The following VEPH1 variants were observed in gnomAD, a reference collection of about 807,000 sequenced individuals.
VEPH1 encodes ventricular zone-expressed PH domain-containing protein homolog 1.
VEPH1 carries 80 observed loss-of-function variants against 85.2 expected under a neutral mutation model. The observed-to-expected ratio is 0.94, with a 90% CI of 0.78 to 1.13. The LOEUF is 1.13. Ranked by LOEUF, VEPH1 falls within the 50% of genes most tolerant of loss-of-function variation. The pLI is 0.00. For synonymous variants in VEPH1, 297 were observed against 348.0 expected, an observed-to-expected ratio of 0.85 and a Z score of 1.63; for missense variants, 955 against 980.5, an observed-to-expected ratio of 0.97 and a Z score of 0.35.
chr3:157,473,299 C>G (rs996737826), intron 2 of VEPH1, among the ~76,000 whole-genome samples: 6 of 151,802 alleles, frequency 4.0e-5, no homozygotes, highest in African/African-American at 1.5e-4. Flanking sequence ...GTCTCAATCC[C>G]CTGACCTCGT....
rs190620211 is a variant in VEPH1 at position 157,270,212 on chromosome 3, C to T, written c.2129-4550G>A. 2.0e-4 allele frequency among the ~76,000 whole-genome samples: 30 copies of T among 151,806 alleles called. 1 individual carries two copies. The highest frequency in any genetic ancestry group is 1.6e-3 in the Admixed American group (25 of 15,238). On this transcript the variant is annotated intron_variant, in intron 12 of 13. Coordinates refer to ENST00000362010, the MANE Select transcript of VEPH1 (RefSeq NM_001167912.2). The stretch of plus-strand genomic sequence containing the variant: ...CTTGAGCCTCAGAGGTCAAAGTGTG[C>T]AGTGAGCTATGATCATGCCACTGCA...
At chr3:157,454,996 T>C (rs182475782) in intron 4 of VEPH1, among the ~76,000 whole-genome samples, 1 of 152,198 alleles carries the variant, frequency 6.6e-6, no homozygotes, top group Non-Finnish European at 1.5e-5. Context: ...CCACTGTTGA[T>C]GGGCACCTAG....
At chr3:157,286,760 C>T in intron 11 of VEPH1, 86 bp from the exon 12 acceptor site, 1 of 1,107,272 alleles carries the variant, frequency 9.0e-7, no homozygotes, top group Non-Finnish European at 1.4e-6. Context: ...GGATGTGGAT[C>T]AGGATGGTCA....
intron 1 of VEPH1, among the ~76,000 whole-genome samples, chr3:157,497,669 G>C (rs369404522): frequency 6.6e-6 from 1 of 152,120 alleles, no homozygotes; most frequent in Non-Finnish European, 1.5e-5. Context: ...CCAAGAAGGA[G>C]CAGTAATACG....
chr3:157,324,478 T>A (rs992846535), intron 9 of VEPH1, among the ~76,000 whole-genome samples: 1 of 152,166 alleles, frequency 6.6e-6, no homozygotes, highest in Non-Finnish European at 1.5e-5. Context: ...CTATTCTTCC[T>A]GATGCTCTCT....
intron 3 of VEPH1, among the ~76,000 whole-genome samples, chr3:157,468,901 G>C (rs561193695): frequency 1.3e-5 from 2 of 152,140 alleles, no homozygotes; most frequent in South Asian, 4.1e-4. Context: ...CCTGGGACGA[G>C]AACATTTAAA....
chr3:157,431,207 G>A (rs1181892576), intron 4 of VEPH1, among the ~76,000 whole-genome samples: 1 of 152,148 alleles, frequency 6.6e-6, no homozygotes, highest in African/African-American at 2.4e-5. Flanking sequence ...GACGTGCCTT[G>A]TTTCCCCTTT....
At chr3:157,360,406 C>G (rs1264558559) in intron 9 of VEPH1, among the ~76,000 whole-genome samples, 1 of 152,050 alleles carries the variant, frequency 6.6e-6, no homozygotes, top group African/African-American at 2.4e-5. Flanking sequence ...TAGGTCATCC[C>G]TGGCAGGAAA....
chr3:157,286,508 T>C (rs746283631), intron 12 of VEPH1, 49 bp downstream of exon 12: 1 of 1,477,856 alleles, frequency 6.8e-7, no homozygotes, highest in Non-Finnish European at 9.5e-7. Flanking sequence ...GACAGATCCC[T>C]GTAATTTGGG....
intron 9 of VEPH1, among the ~76,000 whole-genome samples, chr3:157,358,592 AG>A (rs1386834581): frequency 6.6e-6 from 1 of 152,224 alleles, no homozygotes; most frequent in Non-Finnish European, 1.5e-5. Flanking sequence ...CAACTGGACC[AG>A]GAGGATGTGA....
Position 157,350,687 on chromosome 3 carries a change from A to C in VEPH1, c.1735+12677T>G, listed in dbSNP as rs181892083. ...TATCTTAACAGCAAAAAAATCTAACAATCTGATTTAAAAATGGGGAAATGA... is the reference window on the plus strand; with the variant it reads ...TATCTTAACAGCAAAAAAATCTAACCATCTGATTTAAAAATGGGGAAATGA... On this transcript the variant is annotated intron_variant, in intron 9 of 13. Coordinates refer to ENST00000362010, the MANE Select transcript of VEPH1 (RefSeq NM_001167912.2). Among the ~76,000 whole-genome samples the C allele has an allele frequency of 1.3e-3, 203 of 152,316 alleles. 2 individuals carry two copies. Among genetic ancestry groups the C allele is most frequent in the Non-Finnish European group, 2.6e-3 (174 of 68,008 alleles).
intron 13 of VEPH1, among the ~76,000 whole-genome samples, chr3:157,264,435 A>C (rs574649755): frequency 2.0e-5 from 3 of 152,194 alleles, no homozygotes; most frequent in Non-Finnish European, 4.4e-5. Flanking sequence ...CAATTCCCAT[A>C]GTAAATCTCG....
Position 157,367,192 on chromosome 3 carries a change from A to G in VEPH1, c.1128-2680T>C, listed in dbSNP as rs754855821. 8.5e-5 allele frequency among the ~76,000 whole-genome samples: 13 copies of G among 152,156 alleles called. 1 individual carries two copies. Among genetic ancestry groups the G allele is most frequent in the Admixed American group, 3.3e-4 (5 of 15,288 alleles). On this transcript the variant is annotated intron_variant, in intron 7 of 13. Transcript: ENST00000362010. The stretch of plus-strand genomic sequence containing the variant: ...TCTACTCATACCATGCATAAATAAA[A>G]TATACATTGGTAGATTGCAAGAATC...
Position 157,495,443 on chromosome 3 carries a change from G to T in VEPH1, c.-94C>A. ...AGTAAGACAAAAACATGTAGAAGGA[G>T]GTATACTTCTTATTCCATGAAAGGT... is the stretch of plus-strand genomic sequence containing the variant. On this transcript the variant is annotated 5_prime_UTR_variant, in exon 2 of 14. Transcript: ENST00000362010. 6.5e-7 allele frequency: 1 copy of T among 1,538,810 alleles called. No individual in the cohort carries two copies. The highest frequency in any genetic ancestry group is 8.7e-7 in the Non-Finnish European group (1 of 1,144,800).
intron 4 of VEPH1, among the ~76,000 whole-genome samples, chr3:157,449,720 C>A (rs188663845): frequency 6.6e-6 from 1 of 152,086 alleles, no homozygotes; most frequent in African/African-American, 2.4e-5. Flanking sequence ...TTCATGGAAA[C>A]CTCTGTTGCT....
At chr3:157,335,252 G>T (rs915176118) in intron 9 of VEPH1, among the ~76,000 whole-genome samples, 7 of 146,426 alleles carry the variant, frequency 4.8e-5, no homozygotes, top group Non-Finnish European at 1.0e-4. Flanking sequence ...AAAAAAAAAT[G>T]CTGGGTGTAG....
intron 9 of VEPH1, among the ~76,000 whole-genome samples, chr3:157,360,507 T>G (rs1443291362): frequency 6.6e-6 from 1 of 152,086 alleles, no homozygotes; most frequent in Admixed American, 6.5e-5. Flanking sequence ...AGTTAACTAG[T>G]TAATTGTCAA....
At chr3:157,391,890 T>A (rs1427338543) in intron 6 of VEPH1, among the ~76,000 whole-genome samples, 1 of 152,100 alleles carries the variant, frequency 6.6e-6, no homozygotes, top group Non-Finnish European at 1.5e-5. Context: ...AACAGACTTC[T>A]TAACAGAAAC....
At chr3:157,306,128 T>C (rs1467430335) in intron 11 of VEPH1, among the ~76,000 whole-genome samples, 3 of 152,152 alleles carry the variant, frequency 2.0e-5, no homozygotes, top group Admixed American at 6.5e-5. Flanking sequence ...CAAATACCCA[T>C]GTACCTGCCA....
Sources: gnomAD v4.1 joint callset for allele counts (sites outside exome capture counted in the v4.1 genomes callset) on GRCh38, gnomAD v4.1.1 for gene constraint, MANE v1.5 for transcripts, NCBI Gene and HGNC (gene_info 2026-07-23, HGNC 2026-07-21) for gene names.